Variants in ZC3H8 observed in about 807,000 individuals in gnomAD.
The protein encoded by ZC3H8 is zinc finger CCCH-type containing 8.
A neutral mutation model predicts 42.5 loss-of-function variants in ZC3H8; 27 were observed. That is an observed-to-expected ratio of 0.64 (90% CI 0.47 to 0.88). The LOEUF (loss-of-function observed/expected upper bound fraction) is 0.88, where lower values mean the gene tolerates loss of function less well. Ranked by LOEUF, ZC3H8 falls within the 40% of genes least tolerant of loss-of-function variation. The pLI is 0.00. For missense variants in ZC3H8, 277 were observed against 336.1 expected, an observed-to-expected ratio of 0.82 and a Z score of 1.37; for synonymous variants, 101 against 110.1, an observed-to-expected ratio of 0.92 and a Z score of 0.52.
intron 8 of ZC3H8, among the ~76,000 whole-genome samples, chr2:112,221,736 A>G (rs1277492808): frequency 6.6e-6 from 1 of 151,878 alleles, no homozygotes; most frequent in East Asian, 1.9e-4. Flanking sequence ...CTTTCTTATA[A>G]TGGTCATTTG....
intron 6 of ZC3H8, among the ~76,000 whole-genome samples, chr2:112,232,633 G>GTT (rs1249902177): frequency 6.6e-6 from 1 of 152,100 alleles, no homozygotes; most frequent in Non-Finnish European, 1.5e-5. Flanking sequence ...TGGATCCTTT[G>GTT]TACATTAGAC....
intron 4 of ZC3H8, among the ~76,000 whole-genome samples, 181 bp downstream of exon 4, chr2:112,236,381 G>T (rs1685335686): frequency 6.6e-6 from 1 of 152,134 alleles, no homozygotes; most frequent in African/African-American, 2.4e-5. Flanking sequence ...AAAGAAAGCT[G>T]CAATAAGAAG....
intron 6 of ZC3H8, among the ~76,000 whole-genome samples, chr2:112,233,041 G>A (rs753236298): frequency 6.6e-6 from 1 of 152,158 alleles, no homozygotes; most frequent in Non-Finnish European, 1.5e-5. Context: ...TACCACCCAG[G>A]TTGAGCAGAA....
chr2:112,241,612 C>A (rs1247314679), intron 2 of ZC3H8, among the ~76,000 whole-genome samples: 1 of 152,140 alleles, frequency 6.6e-6, no homozygotes, highest in Non-Finnish European at 1.5e-5. Flanking sequence ...CCGTTTTGAA[C>A]ATAGGAAACA....
intron 1 of ZC3H8, among the ~76,000 whole-genome samples, chr2:112,252,749 C>G (rs1250520603): frequency 2.6e-5 from 4 of 152,200 alleles, no homozygotes; most frequent in Non-Finnish European, 5.9e-5. Context: ...CTCCACCCCT[C>G]TGGACTATGA....
intron 2 of ZC3H8, among the ~76,000 whole-genome samples, chr2:112,246,107 A>G (rs187195241): frequency 4.9e-4 from 75 of 152,322 alleles, no homozygotes; most frequent in African/African-American, 1.8e-3. Flanking sequence ...ATGGCAGTAT[A>G]TCTGTTTACA....
chr2:112,247,073 C>A (rs1489170317), intron 2 of ZC3H8, among the ~76,000 whole-genome samples: 1 of 152,210 alleles, frequency 6.6e-6, no homozygotes, highest in Non-Finnish European at 1.5e-5. Context: ...AAGATATATA[C>A]TGTTTTCTAA....
intron 8 of ZC3H8, among the ~76,000 whole-genome samples, chr2:112,226,412 C>A (rs1307183878): frequency 2.0e-5 from 3 of 151,624 alleles, no homozygotes; most frequent in Non-Finnish European, 4.4e-5. Context: ...CACGGTGAAA[C>A]CCCGTCTCTA....
intron 8 of ZC3H8, among the ~76,000 whole-genome samples, chr2:112,225,339 G>A (rs1403431601): frequency 6.6e-6 from 1 of 152,182 alleles, no homozygotes; most frequent in Non-Finnish European, 1.5e-5. Flanking sequence ...TTAGCCAGGT[G>A]TGGTAGCACA....
At chr2:112,234,552 G>A (rs942837155) in intron 4 of ZC3H8, among the ~76,000 whole-genome samples, 8 of 152,172 alleles carry the variant, frequency 5.3e-5, no homozygotes, top group African/African-American at 1.9e-4. Flanking sequence ...TGTAATCCCA[G>A]CACTTTGGGA....
chr2:112,252,106 T>A (rs1421559378), intron 1 of ZC3H8, among the ~76,000 whole-genome samples: 1 of 152,226 alleles, frequency 6.6e-6, no homozygotes, highest in Non-Finnish European at 1.5e-5. Context: ...ATATCATCTG[T>A]ATGTAGTTGA....
chr2:112,240,597 A>C (rs981449961), intron 2 of ZC3H8: 1 of 152,246 alleles, frequency 6.6e-6, no homozygotes, highest in African/African-American at 2.4e-5. Flanking sequence ...TACGACAAGT[A>C]ATAATACGTT....
Position 112,250,180 on chromosome 2 carries a change from C to A in ZC3H8, c.156+11G>T. On this transcript the variant is annotated intron_variant, in intron 2 of 8. Coordinates refer to ENST00000409573, the MANE Select transcript of ZC3H8 (RefSeq NM_032494.3). ...CGTTTTCAACTTAAACAGTGGTCAA[C>A]TTAATCTTACTTTTTTGGGAATTTG... 1 of 1,556,734 alleles carries A rather than the reference C, an allele frequency of 6.4e-7. No individual in the cohort carries two copies. The highest frequency in any genetic ancestry group is 8.7e-7 in the Non-Finnish European group (1 of 1,149,084).
At chr2:112,225,637 T>C (rs370957048) in intron 8 of ZC3H8, among the ~76,000 whole-genome samples, 1 of 152,150 alleles carries the variant, frequency 6.6e-6, no homozygotes, top group East Asian at 1.9e-4. Context: ...GCCAACATGG[T>C]GAAACTTAGT....
At chr2:112,246,433 A>C (rs11898975) in intron 2 of ZC3H8, among the ~76,000 whole-genome samples, 48,860 of 152,070 alleles carry the variant, frequency 0.32, 8,194 homozygotes, top group African/African-American at 0.41. Context: ...ATTTTAGCTG[A>C]CATTAAGAAC....
chr2:112,247,343 G>A (rs1685797468), intron 2 of ZC3H8, among the ~76,000 whole-genome samples: 2 of 152,190 alleles, frequency 1.3e-5, no homozygotes, highest in South Asian at 2.1e-4. Flanking sequence ...GGGAGGCTGA[G>A]GCGGGCCAAT....
chr2:112,254,058 T>G, intron 1 of ZC3H8: 2 of 935,528 alleles, frequency 2.1e-6, no homozygotes, highest in Non-Finnish European at 2.5e-6. Flanking sequence ...CTCTTTAAGT[T>G]TGTTTTGAGG....
chr2:112,253,113 G>A (rs763877136), intron 1 of ZC3H8, among the ~76,000 whole-genome samples: 9 of 151,672 alleles, frequency 5.9e-5, no homozygotes, highest in South Asian at 2.1e-4. Flanking sequence ...CAGCCTGGGC[G>A]ACAGAGCCAG....
At chr2:112,232,239 C>G (rs1041043761) in intron 6 of ZC3H8, among the ~76,000 whole-genome samples, 6 of 148,932 alleles carry the variant, frequency 4.0e-5, no homozygotes, top group African/African-American at 1.5e-4. Flanking sequence ...TCATTTGAAC[C>G]TGGGAGGCGG....
Sources: allele counts gnomAD v4.1 joint callset (sites outside exome capture counted in the v4.1 genomes callset), GRCh38; gene constraint gnomAD v4.1.1; transcripts MANE v1.5; gene names NCBI Gene and HGNC (gene_info 2026-07-23, HGNC 2026-07-21).